SLC8A3: variants seen among roughly 807,000 people sequenced by gnomAD.
SLC8A3 encodes sodium/calcium exchanger 3.
In SLC8A3, 37 loss-of-function variants were observed where a neutral mutation model predicts 65.4. The observed-to-expected ratio is 0.57, with a 90% CI of 0.44 to 0.74. The LOEUF (loss-of-function observed/expected upper bound fraction) is 0.74, where lower values mean the gene tolerates loss of function less well. SLC8A3 is among the 30% of genes least tolerant of loss of function. SLC8A3 has a pLI of 0.00. For synonymous variants in SLC8A3, 461 were observed against 444.5 expected (o/e 1.04, Z -0.47); for missense variants, 1,112 against 1,172.1 (o/e 0.95, Z 0.75).
intron 2 of SLC8A3, among the ~76,000 whole-genome samples, chr14:70,070,284 C>A (rs771298817): frequency 7.9e-5 from 12 of 152,190 alleles, no homozygotes; most frequent in Non-Finnish European, 1.8e-4. Flanking sequence ...CACAACTAAC[C>A]TGTTAGATAG....
At chr14:70,068,963 T>G (rs1318376101) in intron 2 of SLC8A3, among the ~76,000 whole-genome samples, 1 of 152,174 alleles carries the variant, frequency 6.6e-6, no homozygotes, top group East Asian at 1.9e-4. Flanking sequence ...AGCAATCCAC[T>G]GGCCTCGGCC....
chr14:70,172,805 G>A (rs963868711), intron 1 of SLC8A3, among the ~76,000 whole-genome samples: 1 of 152,184 alleles, frequency 6.6e-6, no homozygotes, highest in Non-Finnish European at 1.5e-5. Context: ...CTATGAGAAT[G>A]TGAAGAGGGC....
intron 2 of SLC8A3, among the ~76,000 whole-genome samples, chr14:70,161,054 C>T (rs142144846): frequency 0.023 from 3,362 of 148,226 alleles, 111 homozygotes; most frequent in South Asian, 0.13. Context: ...ACCATACTGG[C>T]TAACATGGTG....
intron 2 of SLC8A3, among the ~76,000 whole-genome samples, chr14:70,156,350 C>T (rs898753114): frequency 2.6e-5 from 4 of 152,216 alleles, no homozygotes; most frequent in African/African-American, 9.6e-5. Flanking sequence ...ACAATAATTT[C>T]ATTCTTATGC....
Position 70,188,638 on chromosome 14 carries a change from G to C in SLC8A3, c.-322C>G, listed in dbSNP as rs1886975614. 1 of 152,230 alleles carries C rather than the reference G, an allele frequency of 6.6e-6. No homozygotes were observed. The highest frequency in any genetic ancestry group is 2.4e-5 in the African/African-American group (1 of 41,462). 9.4% of individuals were successfully genotyped at this position (152,230 alleles called of 1,614,324 possible). ...TGGGAGGGAGGGTGTCTGGGGCCAG[G>C]GCGAGGGGCCCCGGGAGGGGTCCTT... On this transcript the variant is annotated 5_prime_UTR_variant, in exon 1 of 7. Transcript: ENST00000356921.
chr14:70,165,350 G>A (rs75548681), intron 2 of SLC8A3, among the ~76,000 whole-genome samples: 10,021 of 152,148 alleles, frequency 0.066, 396 homozygotes, highest in African/African-American at 0.1. Context: ...GCACTCCTAG[G>A]ACACCTCTCC....
intron 2 of SLC8A3, among the ~76,000 whole-genome samples, chr14:70,127,511 C>G (rs1015479163): frequency 6.6e-6 from 1 of 152,152 alleles, no homozygotes; most frequent in Non-Finnish European, 1.5e-5. Context: ...CAGCTGAAAG[C>G]TACTGATGGT....
intron 2 of SLC8A3, among the ~76,000 whole-genome samples, chr14:70,087,975 A>G (rs1891554012): frequency 6.6e-6 from 1 of 152,250 alleles, no homozygotes; most frequent in Admixed American, 6.5e-5. Context: ...TTTCATAATT[A>G]TAGAACAGGT....
At chr14:70,147,844 T>C (rs1896028254) in intron 2 of SLC8A3, among the ~76,000 whole-genome samples, 1 of 152,198 alleles carries the variant, frequency 6.6e-6, no homozygotes, top group Non-Finnish European at 1.5e-5. Context: ...AATAAATGTG[T>C]TGTTTGTAGT....
intron 2 of SLC8A3, among the ~76,000 whole-genome samples, chr14:70,063,519 T>G (rs181827748): frequency 8.5e-4 from 130 of 152,328 alleles, no homozygotes; most frequent in Non-Finnish European, 1.5e-3. Context: ...TACTCCAGCA[T>G]TTTGGCTCTT....
Position 70,167,355 on chromosome 14 carries a change from G to A in SLC8A3, c.1068C>T (p.Ile356=). 1 of 1,614,178 alleles carries A rather than the reference G, an allele frequency of 6.2e-7. No individual in the cohort carries two copies. The highest frequency in any genetic ancestry group is 8.5e-7 in the Non-Finnish European group (1 of 1,180,022). The change falls in exon 2 of 7, where the codon ATC becomes ATT. Residue 356 remains isoleucine, a synonymous_variant. Transcript: ENST00000356921. ...HQQKSRAFYR[I]QATRMMTGAG... ...CACCAGTCATCATACGAGTGGCTTGGATACGGTAGAAGGCACGGCTCTTCT... is the reference window on the plus strand; with the variant it reads ...CACCAGTCATCATACGAGTGGCTTGAATACGGTAGAAGGCACGGCTCTTCT...
chr14:70,109,335 C>T (rs1004642866), intron 2 of SLC8A3, among the ~76,000 whole-genome samples: 4 of 148,044 alleles, frequency 2.7e-5, no homozygotes, highest in Non-Finnish European at 5.9e-5. Flanking sequence ...TACACACACA[C>T]ATATATATAC....
At chr14:70,053,708 G>T (rs1160676146) in intron 3 of SLC8A3, among the ~76,000 whole-genome samples, 1 of 152,178 alleles carries the variant, frequency 6.6e-6, no homozygotes, top group Non-Finnish European at 1.5e-5. Flanking sequence ...CACCTCTGTG[G>T]TGACAGTCAG....
At chr14:70,178,915 A>G (rs953624699) in intron 1 of SLC8A3, among the ~76,000 whole-genome samples, 4 of 152,194 alleles carry the variant, frequency 2.6e-5, no homozygotes, top group African/African-American at 9.7e-5. Context: ...CAGATAGATC[A>G]TGCAATTCTT....
intron 2 of SLC8A3, among the ~76,000 whole-genome samples, chr14:70,119,664 A>C (rs1893910750): frequency 6.6e-6 from 1 of 152,242 alleles, no homozygotes; most frequent in Admixed American, 6.5e-5. Context: ...TCTGGAGAGA[A>C]CAGCCTGAAT....
chr14:70,179,866 C>T (rs1186958674), intron 1 of SLC8A3, among the ~76,000 whole-genome samples: 1 of 152,184 alleles, frequency 6.6e-6, no homozygotes, highest in Non-Finnish European at 1.5e-5. Flanking sequence ...GAAATTGGGG[C>T]TCATTTATTG....
chr14:70,166,842 G>T lies in SLC8A3; in HGVS notation c.1581C>A (p.Asp527Glu), dbSNP rs1465042058. 6.2e-7 allele frequency: 1 copy of T among 1,614,104 alleles called. No homozygotes were observed. The highest frequency in any genetic ancestry group is 1.1e-5 in the South Asian group (1 of 91,078). ...CVATVTILDD[D>E]HAGIFTFECD... Reference sequence around the variant, plus strand: ...ATTCAAAAGTGAAGATGCCTGCATGGTCATCATCCAAGATGGTAACTGTGG... The same window carrying T: ...ATTCAAAAGTGAAGATGCCTGCATGTTCATCATCCAAGATGGTAACTGTGG... Residue 527 changes from aspartate (D) to glutamate (E), a missense_variant, in exon 2 of 7, where the codon GAC (aspartate) becomes GAA (glutamate). By Grantham distance (45) the Asp-to-Glu change is conservative (BLOSUM62 2). Coordinates refer to ENST00000356921, the MANE Select transcript of SLC8A3 (RefSeq NM_182932.3).
At chr14:70,108,893 T>G (rs775732263) in intron 2 of SLC8A3, among the ~76,000 whole-genome samples, 3 of 152,210 alleles carry the variant, frequency 2.0e-5, no homozygotes, top group Non-Finnish European at 4.4e-5. Context: ...CCTGGGCCTT[T>G]GCAAATGATG....
At chr14:70,102,110 CA>C (rs2140110262) in intron 2 of SLC8A3, among the ~76,000 whole-genome samples, 1 of 152,288 alleles carries the variant, frequency 6.6e-6, no homozygotes, top group East Asian at 1.9e-4. Flanking sequence ...TCTCTTCTTA[CA>C]GGCCTGAGAG....
Sources: gnomAD v4.1 joint callset for allele counts (sites outside exome capture counted in the v4.1 genomes callset) on GRCh38, gnomAD v4.1.1 for gene constraint, MANE v1.5 for transcripts, NCBI Gene and HGNC (gene_info 2026-07-23, HGNC 2026-07-21) for gene names.